Variants in HOOK3 observed in about 807,000 individuals in gnomAD.
The protein encoded by HOOK3 is hook microtubule tethering protein 3, also known as protein Hook homolog 3.
A neutral mutation model predicts 116.3 loss-of-function variants in HOOK3; 24 were observed. The observed-to-expected ratio is 0.21, with a 90% CI of 0.15 to 0.29. The LOEUF (loss-of-function observed/expected upper bound fraction) is 0.29. HOOK3 is among the 10% of genes least tolerant of loss of function. The pLI, the probability that HOOK3 is intolerant of heterozygous loss-of-function variation, is 1.00. For missense variants in HOOK3, 632 were observed against 830.2 expected, an observed-to-expected ratio of 0.76 and a Z score of 2.93; for synonymous variants, 275 against 283.0, an observed-to-expected ratio of 0.97 and a Z score of 0.28.
chr8:43,016,142 GA>G (rs1479044029), intron 21 of HOOK3, among the ~76,000 whole-genome samples: 1 of 149,212 alleles, frequency 6.7e-6, no homozygotes, highest in East Asian at 2.0e-4. Flanking sequence ...TTTTTAAATG[GA>G]GTCTTTCTCT....
At chr8:42,897,802 C>T (rs1807060613) in intron 1 of HOOK3, among the ~76,000 whole-genome samples, 1 of 152,020 alleles carries the variant, frequency 6.6e-6, no homozygotes, top group East Asian at 2.0e-4. Context: ...GTTTTAGATT[C>T]CTCATACTTT....
intron 2 of HOOK3, among the ~76,000 whole-genome samples, chr8:42,906,579 T>C (rs75008134): frequency 1.5e-4 from 23 of 152,348 alleles, no homozygotes; most frequent in Non-Finnish European, 2.4e-4. Flanking sequence ...CATTTTTCTT[T>C]AGGATTTTGC....
At chr8:43,017,749 C>A (rs56747486) in intron 21 of HOOK3, among the ~76,000 whole-genome samples, 1 of 152,122 alleles carries the variant, frequency 6.6e-6, no homozygotes, top group Non-Finnish European at 1.5e-5. Context: ...TGCTCTGGGT[C>A]CAGCAGTTGC....
chr8:43,006,029 T>C (rs1404826530), intron 17 of HOOK3, among the ~76,000 whole-genome samples: 1 of 150,850 alleles, frequency 6.6e-6, no homozygotes, highest in African/African-American at 2.4e-5. Context: ...TATTTATTTT[T>C]ATTTATTTTG....
At position 42,943,417 on chromosome 8, in the gene HOOK3, C is replaced by T. The variant is rs779857594; in HGVS notation, c.372C>T (p.Gly124=). 63 of 1,551,930 alleles carry T rather than the reference C, an allele frequency of 4.1e-5. No homozygotes were observed. Among genetic ancestry groups the T allele is most frequent in the Non-Finnish European group, 4.9e-5 (56 of 1,149,532 alleles). ...GAAGGATGCTTCAGCTCATCTTAGGCTGTGCTGTGAACTGTGAACAGAAGC... is the reference window on the plus strand; with the variant it reads ...GAAGGATGCTTCAGCTCATCTTAGGTTGTGCTGTGAACTGTGAACAGAAGC... The part of the protein sequence containing the change: ...ELGRMLQLIL[G]CAVNCEQKQE... Residue 124 remains glycine (G), a synonymous_variant, in exon 5 of 22, where the codon GGC becomes GGT. Coordinates refer to ENST00000307602, the MANE Select transcript of HOOK3 (RefSeq NM_032410.4).
intron 6 of HOOK3, among the ~76,000 whole-genome samples, chr8:42,955,350 A>G (rs936018103): frequency 3.9e-5 from 6 of 152,164 alleles, no homozygotes; most frequent in Admixed American, 3.9e-4. Flanking sequence ...GAGTCCTACA[A>G]CTAGTTCCCC....
At chr8:42,920,152 A>C (rs551974015) in intron 2 of HOOK3, among the ~76,000 whole-genome samples, 1 of 152,342 alleles carries the variant, frequency 6.6e-6, no homozygotes, top group African/African-American at 2.4e-5. Flanking sequence ...CATAGCGAGC[A>C]GCTAATAATA....
intron 5 of HOOK3, among the ~76,000 whole-genome samples, chr8:42,947,185 G>C (rs1011441636): frequency 6.6e-6 from 1 of 152,138 alleles, no homozygotes; most frequent in Non-Finnish European, 1.5e-5. Context: ...CAAGTGTTCT[G>C]TCAAAGATTA....
At chr8:42,940,084 G>A (rs992468679) in intron 4 of HOOK3, among the ~76,000 whole-genome samples, 2 of 152,110 alleles carry the variant, frequency 1.3e-5, no homozygotes, top group African/African-American at 2.4e-5. Context: ...ACGGGGCGGC[G>A]GCCGGGCAGA....
intron 15 of HOOK3, among the ~76,000 whole-genome samples, chr8:42,992,544 C>T (rs780390788): frequency 2.0e-5 from 3 of 151,066 alleles, no homozygotes; most frequent in South Asian, 2.1e-4. Flanking sequence ...GGTGAAACCC[C>T]GTCTCTGCTA....
At chr8:42,934,851 CAT>C (rs757064528) in intron 4 of HOOK3, among the ~76,000 whole-genome samples, 13 of 152,226 alleles carry the variant, frequency 8.5e-5, no homozygotes, top group East Asian at 3.9e-4. Flanking sequence ...CTGCAATAAA[CAT>C]GTGTGCATGT....
intron 15 of HOOK3, chr8:42,994,309 C>G (rs547161950): frequency 7.8e-5 from 19 of 244,004 alleles, no homozygotes; most frequent in South Asian, 7.8e-4. Context: ...AGCCACCACA[C>G]CCAGCCTGCT....
At chr8:42,948,538 G>A (rs1010387446) in intron 5 of HOOK3, among the ~76,000 whole-genome samples, 5 of 152,010 alleles carry the variant, frequency 3.3e-5, no homozygotes, top group Non-Finnish European at 5.9e-5. Flanking sequence ...CTCACCCCTC[G>A]AGTCCACTGT....
chr8:42,923,264 A>T (rs1328856726), intron 2 of HOOK3, among the ~76,000 whole-genome samples: 2 of 152,210 alleles, frequency 1.3e-5, no homozygotes, highest in Non-Finnish European at 2.9e-5. Context: ...TGCAAAATAT[A>T]GCTGCTTTGG....
intron 4 of HOOK3, among the ~76,000 whole-genome samples, chr8:42,942,860 AATTT>A (rs1434076594): frequency 6.6e-6 from 1 of 152,212 alleles, no homozygotes; most frequent in African/African-American, 2.4e-5. Context: ...CGTATAAAGA[AATTT>A]CATGCTCCTT....
intron 1 of HOOK3, among the ~76,000 whole-genome samples, chr8:42,898,112 C>T (rs1418583316): frequency 6.6e-6 from 1 of 152,198 alleles, no homozygotes; most frequent in Non-Finnish European, 1.5e-5. Flanking sequence ...TTAGCGGTGT[C>T]TTGGGTTACG....
At chr8:42,910,139 G>T (rs1807394062) in intron 2 of HOOK3, among the ~76,000 whole-genome samples, 1 of 152,154 alleles carries the variant, frequency 6.6e-6, no homozygotes, top group Non-Finnish European at 1.5e-5. Flanking sequence ...TTGATTTAAT[G>T]TGTCCACATT....
chr8:42,909,411 G>C (rs1431672409), intron 2 of HOOK3, among the ~76,000 whole-genome samples: 11 of 152,204 alleles, frequency 7.2e-5, no homozygotes, highest in Admixed American at 7.2e-4. Flanking sequence ...ATTAGCGAAT[G>C]GATCGATGAG....
chr8:42,950,077 C>T (rs1808311476), intron 5 of HOOK3, among the ~76,000 whole-genome samples: 1 of 152,106 alleles, frequency 6.6e-6, no homozygotes, highest in South Asian at 2.1e-4. Flanking sequence ...AGAGATTTTT[C>T]CATCTTGGTT....
Sources: allele counts gnomAD v4.1 joint callset (sites outside exome capture counted in the v4.1 genomes callset), GRCh38; gene constraint gnomAD v4.1.1; transcripts MANE v1.5; gene names NCBI Gene and HGNC (gene_info 2026-07-23, HGNC 2026-07-21).